The following ZMYM2 variants were observed in gnomAD, a reference collection of about 807,000 sequenced individuals.
The protein encoded by ZMYM2 is zinc finger MYM-type protein 2.
In ZMYM2, 56 loss-of-function variants were observed where a neutral mutation model predicts 162.8. The observed-to-expected ratio is 0.34, with a 90% confidence interval of 0.28 to 0.43. ZMYM2 has a LOEUF of 0.43. ZMYM2 is among the 20% of genes least tolerant of loss of function. ZMYM2 has a pLI of 1.00. For missense variants in ZMYM2, 1,275 were observed against 1,621.8 expected (o/e 0.79, Z 3.67); for synonymous variants, 510 against 541.6 (o/e 0.94, Z 0.81).
intron 10 of ZMYM2, 115 bp downstream of exon 10, chr13:20,031,550 G>T: frequency 1.5e-6 from 1 of 686,800 alleles, no homozygotes; most frequent in Non-Finnish European, 2.3e-6. Flanking sequence ...ATGCTTTTCA[G>T]ATTTTTTTTT....
In ZMYM2 at chr13:20,088,330, G is replaced by A. The variant is rs1958386136; in HGVS notation, c.*2316G>A. The A allele has an allele frequency of 4.8e-6, 1 of 206,900 alleles. No homozygotes were observed. Among genetic ancestry groups the A allele is most frequent in the Non-Finnish European group, 9.9e-6 (1 of 101,234 alleles). The allele number at this position is 206,900 out of a possible 1,614,324, so 12.8% of individuals were successfully genotyped here. ...TTATGTGGTCATAGTTGACTGCTGA[G>A]AAAAGGACAATGAAATGATAGCAAT... On this transcript the variant is annotated 3_prime_UTR_variant, in exon 25 of 25. Transcript: ENST00000610343.
intron 11 of ZMYM2, among the ~76,000 whole-genome samples, chr13:20,035,859 A>G (rs1953645103): frequency 6.6e-6 from 1 of 152,178 alleles, no homozygotes; most frequent in Non-Finnish European, 1.5e-5. Flanking sequence ...GATAAAGCTA[A>G]TAAAGGTAAA....
rs752879274 is a variant in ZMYM2, at chr13:20,067,349, G to A, written c.3412G>A (p.Ala1138Thr). 4.3e-6 allele frequency: 7 copies of A among 1,611,044 alleles called. No individual in the cohort carries two copies. The highest frequency in any genetic ancestry group is 5.9e-6 in the Non-Finnish European group (7 of 1,178,402). Residue 1138 changes from alanine to threonine, a missense_variant, in exon 21 of 25, where the codon GCA becomes ACA. By Grantham distance (58) the Ala-to-Thr change is moderately conservative. Around this residue, in one of 10 missense-constraint regions of ZMYM2, gnomAD observed 229 missense variants for 283.8 expected, o/e 0.81. Coordinates refer to ENST00000610343, the MANE Select transcript of ZMYM2 (RefSeq NM_197968.4). Reference protein sequence around the residue: ...EIRRPNGENYAPDSIYYLCLG... With the variant: ...EIRRPNGENYTPDSIYYLCLG... ...CCGACGGCCAAATGGAGAGAATTAT[G>A]CACCTGACAGCATCTATTACCTTTG...
intron 7 of ZMYM2, chr13:20,026,318 T>C (rs886229471): frequency 4.7e-6 from 1 of 211,730 alleles, no homozygotes; most frequent in African/African-American, 2.3e-5. Context: ...GTGCCTTTCC[T>C]AAATTTTTCA....
the ZMYM2 span, among the ~76,000 whole-genome samples, chr13:19,881,341 GC>G: frequency 2.0e-5 from 3 of 152,170 alleles, no homozygotes; most frequent in African/African-American, 7.2e-5. Flanking sequence ...GGGGGAGGGG[GC>G]CTGGTGCGGT....
intron 2 of ZMYM2, among the ~76,000 whole-genome samples, chr13:19,961,621 G>T (rs1171821698): frequency 6.6e-6 from 1 of 152,124 alleles, no homozygotes; most frequent in Non-Finnish European, 1.5e-5. Flanking sequence ...ATAATTGGTT[G>T]TGTTTAGTAG....
the ZMYM2 span, among the ~76,000 whole-genome samples, chr13:19,946,014 A>G: frequency 6.6e-6 from 1 of 151,756 alleles, no homozygotes; most frequent in African/African-American, 2.4e-5. Context: ...TAGTTCCCAA[A>G]TTTTAGAAAT....
chr13:20,020,113 G>T (rs1001929583), intron 7 of ZMYM2: 1 of 153,756 alleles, frequency 6.5e-6, no homozygotes, highest in African/African-American at 2.4e-5. Flanking sequence ...AACTATTATT[G>T]TCAGGTTAGT....
chr13:19,914,096 C>CGTGGCCA, the ZMYM2 span, among the ~76,000 whole-genome samples: 1 of 152,252 alleles, frequency 6.6e-6, no homozygotes, highest in East Asian at 1.9e-4. Flanking sequence ...ATTCCTGGGC[C>CGTGGCCA]GTGGCCAGTG....
the ZMYM2 span, among the ~76,000 whole-genome samples, chr13:19,884,707 T>G: frequency 6.6e-6 from 1 of 152,012 alleles, no homozygotes; most frequent in African/African-American, 2.4e-5. Context: ...TTGCGGCGGA[T>G]TCCTGGTCCA....
chr13:20,051,674 TAATG>T, intron 13 of ZMYM2, 76 bp downstream of exon 13: 2 of 1,383,938 alleles, frequency 1.4e-6, no homozygotes, highest in South Asian at 3.2e-5. Context: ...AAAGCACTGA[TAATG>T]AATAGTTGAT....
chr13:19,993,232 G>C lies in ZMYM2; in HGVS notation c.160G>C (p.Val54Leu), dbSNP rs764521441. The C allele has an allele frequency of 6.2e-6, 10 of 1,613,834 alleles. No homozygotes were observed. Among genetic ancestry groups the C allele is most frequent in the Non-Finnish European group, 8.5e-6 (10 of 1,179,888 alleles). ...ATCTAATAAGTTTCAGAACTCGTCA[G>C]TGGAAGATGATGATGATGTTGTTTT... ...SRSNKFQNSS[V>L]EDDDDVVFIE... Residue 54 changes from valine (V) to leucine (L), a missense_variant, in exon 3 of 25, where the codon GTG becomes CTG. Coordinates refer to ENST00000610343, the MANE Select transcript of ZMYM2 (RefSeq NM_197968.4).
intron 2 of ZMYM2, among the ~76,000 whole-genome samples, chr13:19,987,789 G>C (rs1594199255): frequency 6.6e-6 from 1 of 151,510 alleles, no homozygotes; most frequent in East Asian, 1.9e-4. Flanking sequence ...CCTAATTTTT[G>C]TATTTTAGTA....
chr13:19,978,414 GT>G (rs1374920562), intron 2 of ZMYM2, among the ~76,000 whole-genome samples: 1 of 151,268 alleles, frequency 6.6e-6, no homozygotes, highest in Non-Finnish European at 1.5e-5. Flanking sequence ...TAAAATTACT[GT>G]TTTTTGGGTT....
At chr13:19,984,266 A>G (rs768249563) in intron 2 of ZMYM2, among the ~76,000 whole-genome samples, 6 of 152,236 alleles carry the variant, frequency 3.9e-5, no homozygotes, top group Non-Finnish European at 8.8e-5. Flanking sequence ...GACAACATCA[A>G]CTGTTGTGTT....
the ZMYM2 span, among the ~76,000 whole-genome samples, chr13:19,918,179 T>C: frequency 6.6e-6 from 1 of 152,172 alleles, no homozygotes; most frequent in East Asian, 1.9e-4. Flanking sequence ...ATGTAGTGGC[T>C]CACGCCTGTA....
intron 21 of ZMYM2, among the ~76,000 whole-genome samples, chr13:20,069,087 T>C (rs1413886630): frequency 6.6e-6 from 1 of 152,188 alleles, no homozygotes; most frequent in Admixed American, 6.5e-5. Context: ...CCCCTGGCAT[T>C]ACTTGCAAAA....
In ZMYM2 at chr13:20,007,245, C is replaced by T. The variant is rs563466533; in HGVS notation, c.1512+659C>T. 3.3e-5 allele frequency among the ~76,000 whole-genome samples: 5 copies of T among 152,154 alleles called. No homozygotes were observed. The East Asian group carries it at 9.7e-4, about 30-fold the overall frequency. ...CCGCCTCCCAGGTTCAAGTGATTCTCCTGCCTCAGCCTCCCAAGTAGCTGG... is the reference window on the plus strand; with the variant it reads ...CCGCCTCCCAGGTTCAAGTGATTCTTCTGCCTCAGCCTCCCAAGTAGCTGG... On this transcript the variant is annotated intron_variant, in intron 6 of 24. Transcript: ENST00000610343.
In ZMYM2 at chr13:20,061,216, A is replaced by G. The variant is rs572969588; in HGVS notation, c.2903A>G (p.Asn968Ser). ...GACGAGGGGAAAACAGAGACAACCAACATCAACAGTGAGCTACACTAAATT... is the reference window on the plus strand; with the variant it reads ...GACGAGGGGAAAACAGAGACAACCAGCATCAACAGTGAGCTACACTAAATT... The part of the protein sequence containing the change: ...SEDEGKTETT[N>S]INSVIIETDI... The change falls in exon 17 of 25, where the codon AAC becomes AGC. Residue 968 changes from asparagine to serine, a missense_variant. Coordinates refer to ENST00000610343, the MANE Select transcript of ZMYM2 (RefSeq NM_197968.4). The G allele has an allele frequency of 1.3e-5, 21 of 1,613,550 alleles. No individual in the cohort carries two copies. The highest frequency in any genetic ancestry group is 1.7e-5 in the Non-Finnish European group (20 of 1,179,784).
Sources: allele counts gnomAD v4.1 joint callset (sites outside exome capture counted in the v4.1 genomes callset), GRCh38; gene constraint gnomAD v4.1.1; regional missense constraint gnomAD v4.1.1; transcripts MANE v1.5; gene names NCBI Gene and HGNC (gene_info 2026-07-23, HGNC 2026-07-21).